RIPOR1: variants seen among roughly 807,000 people sequenced by gnomAD.
RIPOR1 encodes RHO family interacting cell polarization regulator 1.
Under a neutral mutation model 116.5 loss-of-function variants are expected in RIPOR1, and 58 were observed. That is an observed-to-expected ratio of 0.50 (90% confidence interval 0.40 to 0.62). The LOEUF is 0.62. Ranked by LOEUF, RIPOR1 falls within the 20% of genes least tolerant of loss-of-function variation. The probability of loss-of-function intolerance (pLI) is 0.00; values close to 1 mark genes in which losing one functional copy is unlikely to be tolerated. For synonymous variants in RIPOR1, 605 were observed against 650.0 expected (o/e 0.93, Z 1.05); for missense variants, 1,372 against 1,586.2 (o/e 0.86, Z 2.29).
chr16:67,526,355 C>T (rs1392888370), upstream of RIPOR1, among the ~76,000 whole-genome samples: 1 of 152,130 alleles, frequency 6.6e-6, no homozygotes, highest in Non-Finnish European at 1.5e-5. Context: ...AGAATAAGTG[C>T]AAGATAAGGA....
chr16:67,532,557 C>G (rs117880914), intron 1 of RIPOR1, among the ~76,000 whole-genome samples: 2 of 152,298 alleles, frequency 1.3e-5, no homozygotes, highest in East Asian at 3.9e-4. Flanking sequence ...TATAGAGGGA[C>G]ATCCTCATGA....
At chr16:67,538,640 TCTC>T (rs2142515813) in intron 2 of RIPOR1, 29 bp from the exon 3 acceptor site, 1 of 1,610,440 alleles carries the variant, frequency 6.2e-7, no homozygotes, top group African/African-American at 1.3e-5. Context: ...GGACTCCTGC[TCTC>T]CTCTTTCTGA....
chr16:67,525,749 C>G (rs1028409632), upstream of RIPOR1, among the ~76,000 whole-genome samples: 2 of 152,088 alleles, frequency 1.3e-5, no homozygotes, highest in African/African-American at 4.8e-5. Flanking sequence ...CCACAGCTAC[C>G]AGCTGAGTCC....
chr16:67,523,099 GGTCT>G (rs2050508344), intron 1 of RIPOR1, among the ~76,000 whole-genome samples: 2 of 152,306 alleles, frequency 1.3e-5, no homozygotes, highest in East Asian at 3.9e-4. Flanking sequence ...TTGCTGAACT[GGTCT>G]GTCACTGTGT....
upstream of RIPOR1, chr16:67,528,736 T>TGCGGGAGCC (rs937813058): frequency 1.8e-5 from 2 of 111,776 alleles, no homozygotes; most frequent in African/African-American, 3.4e-5. Context: ...CCTCTAGGGG[T>TGCGGGAGCC]GCGGGAGCCG....
chr16:67,520,390 G>A (rs1251523359), intron 1 of RIPOR1, among the ~76,000 whole-genome samples: 12 of 140,182 alleles, frequency 8.6e-5, no homozygotes, highest in Non-Finnish European at 1.5e-5. Flanking sequence ...AAAAAAAAAA[G>A]AAAAGAAAAG....
At chr16:67,538,903 G>A in intron 3 of RIPOR1, 79 bp downstream of exon 3, 1 of 1,609,512 alleles carries the variant, frequency 6.2e-7, no homozygotes, top group Non-Finnish European at 8.5e-7. Context: ...ACCTTCTCCA[G>A]CCCCATGCCC....
chr16:67,538,440 T>C lies in RIPOR1; in HGVS notation c.-7T>C. The C allele has an allele frequency of 1.3e-6, 2 of 1,598,898 alleles. No individual in the cohort carries two copies. Among genetic ancestry groups the C allele is most frequent in the Non-Finnish European group, 1.7e-6 (2 of 1,172,948 alleles). ...CACCCGCAGGGAGCCCCGCGCGGAC[T>C]CACTCTATGATGTCCCTGTCGGTGC... On this transcript the variant is annotated 5_prime_UTR_variant, in exon 2 of 22. Transcript: ENST00000042381.
Position 67,542,313 on chromosome 16 carries a change from C to A in RIPOR1, c.1527C>A (p.Leu509=). Residue 509 remains leucine, a synonymous_variant, in exon 13 of 22, where the codon CTC becomes CTA. Transcript: ENST00000042381. This position sits in a 1 kb window ranked among gnomAD's most constrained non-coding sequence, Gnocchi z 4.6. Reference sequence around the variant, plus strand: ...GCCACTCTGCCACAAGCTCTACCCTCGGTACAACAGGCTCTGTCCCCACAT... The same window carrying A: ...GCCACTCTGCCACAAGCTCTACCCTAGGTACAACAGGCTCTGTCCCCACAT... ...DPGHSATSST[L]GTTGSVPTST... The A allele has an allele frequency of 6.2e-7, 1 of 1,613,932 alleles. No homozygotes were observed. Among genetic ancestry groups the A allele is most frequent in the Non-Finnish European group, 8.5e-7 (1 of 1,179,960 alleles).
Position 67,537,710 on chromosome 16 carries a change from G to A in RIPOR1, c.-23-714G>A, listed in dbSNP as rs1365296858. ...CGAAGCGGGGTGGGGGTCTGCCGAG[G>A]AGCTCTCCCCGCCGATGCCGGGGTG... On this transcript the variant is annotated intron_variant, in intron 1 of 21. Coordinates refer to ENST00000042381, the MANE Select transcript of RIPOR1 (RefSeq NM_024519.4). The surrounding 1 kb of genome is among the most constrained non-coding windows in gnomAD (Gnocchi z 4.6). 1 of 670,034 alleles carries A rather than the reference G, an allele frequency of 1.5e-6. No homozygotes were observed. The highest frequency in any genetic ancestry group is 1.9e-5 in the African/African-American group (1 of 53,344). 41.5% of individuals were successfully genotyped at this position (670,034 alleles called of 1,614,324 possible).
Position 67,544,721 on chromosome 16 carries a change from C to G in RIPOR1, c.2760C>G (p.Arg920=). 6.2e-7 allele frequency: 1 copy of G among 1,613,496 alleles called. No individual in the cohort carries two copies. The highest frequency in any genetic ancestry group is 8.5e-7 in the Non-Finnish European group (1 of 1,179,978). The change falls in exon 16 of 22, where the codon CGC becomes CGG. Residue 920 remains arginine (R), a synonymous_variant. Coordinates refer to ENST00000042381, the MANE Select transcript of RIPOR1 (RefSeq NM_024519.4). This position sits in a 1 kb window ranked among gnomAD's most constrained non-coding sequence, Gnocchi z 5.1. ...AACTGGGCACATTTGGGCCCCTGCGCTGCCAGGAGGCATGGGCCCTGGAGC... is the reference window on the plus strand; with the variant it reads ...AACTGGGCACATTTGGGCCCCTGCGGTGCCAGGAGGCATGGGCCCTGGAGC... ...LLKLGTFGPL[R]CQEAWALERL...
Position 67,529,195 on chromosome 16 carries a change from G to T in RIPOR1, c.-24+281G>T, listed in dbSNP as rs1830560410. Reference sequence around the variant, plus strand: ...GCCCTGGCGGCCGGTGCCCCGGGGCGCTGGGATGGGCCAGGCCAGAGAGCG... The same window carrying T: ...GCCCTGGCGGCCGGTGCCCCGGGGCTCTGGGATGGGCCAGGCCAGAGAGCG... On this transcript the variant is annotated intron_variant, in intron 1 of 21. Transcript: ENST00000042381. This position sits in a 1 kb window ranked among gnomAD's most constrained non-coding sequence, Gnocchi z 4.1. 6.6e-6 allele frequency among the ~76,000 whole-genome samples: 1 copy of T among 152,204 alleles called. No individual in the cohort carries two copies.
chr16:67,539,749 A>AAGGTG lies in RIPOR1; in HGVS notation c.360+1_360+5dup. 1 of 1,614,132 alleles carries AAGGTG rather than the reference A, an allele frequency of 6.2e-7. No homozygotes were observed. The highest frequency in any genetic ancestry group is 8.5e-7 in the Non-Finnish European group (1 of 1,180,008). ...GCAGGGCTTCCTGTATGATCTGGAC[A>AAGGTG]AGGTGAGTATGCATGGAATGGTACT... On this transcript the variant is annotated frameshift_variant and splice_region_variant, in exon 5 of 22. Transcript: ENST00000042381. LOFTEE classifies it high-confidence loss of function.
rs764095596 is a variant in RIPOR1, at chr16:67,540,109, C to T, written c.471C>T (p.Tyr157=). 3.1e-6 allele frequency: 5 copies of T among 1,614,060 alleles called. No homozygotes were observed. The East Asian group carries it at 8.9e-5, about 29-fold the overall frequency. ...CVQRRLRDGA[Y]NMVRAYTTGS... ...AGCGGCGTCTCCGGGATGGTGCCTA[C>T]AACATGGTCCGTGCCTACACCACTG... Residue 157 remains tyrosine, a synonymous_variant, in exon 7 of 22, where the codon TAC becomes TAT. Coordinates refer to ENST00000042381, the MANE Select transcript of RIPOR1 (RefSeq NM_024519.4). This position sits in a 1 kb window ranked among gnomAD's most constrained non-coding sequence, Gnocchi z 4.7.
At chr16:67,526,007 C>T (rs1279703569), upstream of RIPOR1, among the ~76,000 whole-genome samples, 3 of 152,158 alleles carry the variant, frequency 2.0e-5, no homozygotes, top group African/African-American at 7.2e-5. Context: ...GACCCTGTGA[C>T]CCTCGGAGGG....
rs1266714622 is a variant in RIPOR1 at position 67,545,530 on chromosome 16, G to A, written c.3186G>A (p.Glu1062=). ...TMEAYVTETA[E]EVLLVRNLNS... is the part of the protein sequence containing the mutation. ...AGGCCTACGTGACTGAGACCGCTGA[G>A]GAGGGTGAGGCGGTGGCCCTGATCA... Residue 1062 remains glutamate (E), a synonymous_variant, in exon 18 of 22, where the codon GAG becomes GAA. Coordinates refer to ENST00000042381, the MANE Select transcript of RIPOR1 (RefSeq NM_024519.4). This position sits in a 1 kb window ranked among gnomAD's most constrained non-coding sequence, Gnocchi z 4.8. 1 of 1,614,070 alleles carries A rather than the reference G, an allele frequency of 6.2e-7. No individual in the cohort carries two copies.
intron 1 of RIPOR1, among the ~76,000 whole-genome samples, chr16:67,535,239 C>G: frequency 6.6e-6 from 1 of 152,188 alleles, no homozygotes; most frequent in East Asian, 1.9e-4. Context: ...TAGGGTCACA[C>G]TTGAGGATTT....
In RIPOR1 at chr16:67,541,501, T is replaced by C. The variant is rs1168666412; in HGVS notation, c.873T>C (p.Phe291=). The C allele has an allele frequency of 1.2e-6, 2 of 1,614,154 alleles. No individual in the cohort carries two copies. Among genetic ancestry groups the C allele is most frequent in the East Asian group, 2.2e-5 (1 of 44,884 alleles). The change falls in exon 11 of 22, where the codon TTT becomes TTC. Residue 291 remains phenylalanine, a synonymous_variant. Coordinates refer to ENST00000042381, the MANE Select transcript of RIPOR1 (RefSeq NM_024519.4). The surrounding 1 kb of genome is among the most constrained non-coding windows in gnomAD (Gnocchi z 4.6). ...TCTCCTGTGAGACCAAGGACCTGTT[T>C]GCCGCCCTGCCCCAGGTTGTGGCTG... ...GSVSCETKDL[F]AALPQVVAVD...
At chr16:67,539,223 C>A (rs1054600639) in intron 4 of RIPOR1, 155 bp downstream of exon 4, 14 of 655,678 alleles carry the variant, frequency 2.1e-5, no homozygotes, top group African/African-American at 5.5e-5. Flanking sequence ...GCTTTTCTAT[C>A]CCCAAACTTT....
Sources: allele counts gnomAD v4.1 joint callset (sites outside exome capture counted in the v4.1 genomes callset), GRCh38; gene constraint gnomAD v4.1.1; non-coding constraint Gnocchi (gnomAD v3.1); transcripts MANE v1.5; gene names NCBI Gene and HGNC (gene_info 2026-07-23, HGNC 2026-07-21).